BRDT: variants seen among roughly 807,000 people sequenced by gnomAD.
BRDT encodes bromodomain testis-specific protein.
Under a neutral mutation model 113.9 loss-of-function variants are expected in BRDT, and 77 were observed. The ratio of observed to expected loss-of-function variants is 0.68; its 90% CI spans 0.56 to 0.82. BRDT has a LOEUF of 0.82. Ranked by LOEUF, BRDT falls within the 40% of genes least tolerant of loss-of-function variation. The pLI is 0.00. For missense variants in BRDT, 1,027 were observed against 1,105.4 expected (o/e 0.93, Z 1.01); for synonymous variants, 358 against 366.5 (o/e 0.98, Z 0.26).
intron 15 of BRDT, 113 bp downstream of exon 15, chr1:91,994,367 T>C (rs1686077689): frequency 1.2e-6 from 1 of 859,650 alleles, no homozygotes; most frequent in Non-Finnish European, 1.8e-6. Context: ...ATACCAACAA[T>C]CATAACTAGT....
At chr1:91,964,140 A>C (rs1682809015) in intron 2 of BRDT, among the ~76,000 whole-genome samples, 1 of 152,114 alleles carries the variant, frequency 6.6e-6, no homozygotes, top group Non-Finnish European at 1.5e-5. Flanking sequence ...GGCTCACTGC[A>C]ACCTCTGCCT....
chr1:91,984,327 C>G lies in BRDT; in HGVS notation c.2002+2572C>G, dbSNP rs190597786. On this transcript the variant is annotated intron_variant, in intron 12 of 18. Coordinates refer to ENST00000399546, the MANE Select transcript of BRDT (RefSeq NM_207189.4). ...GTAAACTAAGAACATTTTTTACTTC[C>G]CTGGGAACAACAACACACACAAAAA... Among the ~76,000 whole-genome samples the G allele has an allele frequency of 2.0e-4, 31 of 151,800 alleles. No homozygotes were observed. In the East Asian group the frequency reaches 5.8e-3, roughly 28 times the overall value.
chr1:91,977,533 A>T, intron 6 of BRDT, 140 bp downstream of exon 6: 1 of 694,334 alleles, frequency 1.4e-6, no homozygotes, highest in Non-Finnish European at 2.3e-6. Context: ...GAGTCTCTGG[A>T]AAATTTTAAA....
intron 1 of BRDT, among the ~76,000 whole-genome samples, chr1:91,954,803 A>G (rs1681556876): frequency 6.7e-6 from 1 of 149,616 alleles, no homozygotes; most frequent in Non-Finnish European, 1.5e-5. Context: ...CTACTAAAAA[A>G]ATTAAAAAAA....
At chr1:91,976,513 C>A in intron 5 of BRDT, 75 bp downstream of exon 5, 2 of 1,330,510 alleles carry the variant, frequency 1.5e-6, no homozygotes, top group Non-Finnish European at 2.0e-6. Flanking sequence ...GAAAATTAGT[C>A]TTCAGCGTCT....
chr1:91,966,614 A>G (rs1219427008), intron 3 of BRDT, among the ~76,000 whole-genome samples: 2 of 152,236 alleles, frequency 1.3e-5, no homozygotes, highest in African/African-American at 4.8e-5. Context: ...TTTCAGATGT[A>G]ATATTTTAAA....
intron 3 of BRDT, among the ~76,000 whole-genome samples, chr1:91,966,423 G>A (rs773127008): frequency 5.5e-4 from 84 of 152,180 alleles, no homozygotes; most frequent in Admixed American, 1.3e-3. Context: ...TGTCTGAGAC[G>A]GACTCACTGT....
chr1:91,987,934 C>G (rs1023543617), intron 12 of BRDT, among the ~76,000 whole-genome samples: 1 of 152,058 alleles, frequency 6.6e-6, no homozygotes, highest in African/African-American at 2.4e-5. Flanking sequence ...ACTGCAACCT[C>G]TGCCTCCCGG....
intron 15 of BRDT, among the ~76,000 whole-genome samples, chr1:91,997,661 G>A (rs1271049296): frequency 1.3e-5 from 2 of 152,176 alleles, no homozygotes; most frequent in Non-Finnish European, 2.9e-5. Flanking sequence ...GTAAGGATCA[G>A]TTTATTATAT....
At chr1:91,961,972 C>T (rs1030283671) in intron 1 of BRDT, among the ~76,000 whole-genome samples, 4 of 151,514 alleles carry the variant, frequency 2.6e-5, no homozygotes, top group South Asian at 2.1e-4. Flanking sequence ...GGTGAAACCC[C>T]ATCTCTACTA....
chr1:91,959,058 G>A (rs527398685), intron 1 of BRDT, among the ~76,000 whole-genome samples: 1 of 152,028 alleles, frequency 6.6e-6, no homozygotes, highest in East Asian at 1.9e-4. Flanking sequence ...AAAAAAAGTA[G>A]AAAATGAAAC....
At chr1:91,999,668 T>C (rs1314839987) in intron 15 of BRDT, among the ~76,000 whole-genome samples, 2 of 152,228 alleles carry the variant, frequency 1.3e-5, no homozygotes, top group Non-Finnish European at 2.9e-5. Context: ...TTGATCATTT[T>C]CTATATATCA....
At chr1:91,951,824 A>G (rs924996336) in intron 1 of BRDT, among the ~76,000 whole-genome samples, 31 of 152,140 alleles carry the variant, frequency 2.0e-4, no homozygotes, top group African/African-American at 7.5e-4. Flanking sequence ...TGGCAAGTTG[A>G]GTTGGGCAGC....
chr1:91,987,041 C>G (rs1009075411), intron 12 of BRDT, among the ~76,000 whole-genome samples: 1 of 151,524 alleles, frequency 6.6e-6, no homozygotes, highest in Non-Finnish European at 1.5e-5. Context: ...AGGTTCAGGC[C>G]TTCCAATTAG....
chr1:91,987,419 C>T (rs1446776737), intron 12 of BRDT, among the ~76,000 whole-genome samples: 1 of 151,874 alleles, frequency 6.6e-6, no homozygotes, highest in African/African-American at 2.4e-5. Context: ...CTGCAACCTA[C>T]GCTTCCTGGG....
intron 15 of BRDT, among the ~76,000 whole-genome samples, chr1:91,996,742 C>T (rs1186823463): frequency 1.3e-5 from 2 of 152,156 alleles, no homozygotes; most frequent in African/African-American, 4.8e-5. Context: ...AATTGATATA[C>T]TTCGTTAGGA....
At chr1:91,981,829 AG>A in intron 12 of BRDT, 74 bp downstream of exon 12, 1 of 1,457,400 alleles carries the variant, frequency 6.9e-7, no homozygotes, top group Admixed American at 2.8e-5. Flanking sequence ...TATATTTTGA[AG>A]AAATATTTGT....
In BRDT at chr1:91,980,777, G is replaced by T. The variant is rs200272172; in HGVS notation, c.1422G>T (p.Met474Ile). Reference protein sequence around the residue: ...VNNSNENPRKMCEQMRLKEKS... With the variant: ...VNNSNENPRKICEQMRLKEKS... ...ACAGCAATGAAAATCCAAGAAAAAT[G>T]TGTGAGCAAATGAGGCTAAAGGAAA... The change falls in exon 9 of 19, where the codon ATG (methionine) becomes ATT (isoleucine). Residue 474 changes from methionine (M) to isoleucine (I), a missense_variant. Met to Ile is a conservative substitution (Grantham distance 10). Transcript: ENST00000399546. The T allele has an allele frequency of 6.2e-7, 1 of 1,604,666 alleles. No homozygotes were observed. The highest frequency in any genetic ancestry group is 2.2e-5 in the East Asian group (1 of 44,786).
intron 15 of BRDT, among the ~76,000 whole-genome samples, chr1:91,998,495 TA>T (rs1401373886): frequency 1.3e-5 from 2 of 152,172 alleles, no homozygotes; most frequent in East Asian, 1.9e-4. Context: ...TAAAGTATAA[TA>T]AAAAAATTTT....
Sources: allele counts gnomAD v4.1 joint callset (sites outside exome capture counted in the v4.1 genomes callset), GRCh38; gene constraint gnomAD v4.1.1; transcripts MANE v1.5; gene names NCBI Gene and HGNC (gene_info 2026-07-23, HGNC 2026-07-21).